The following ZNF710 variants were observed in gnomAD, a reference collection of about 807,000 sequenced individuals.
ZNF710 encodes zinc finger protein 710.
In ZNF710, 13 loss-of-function variants were observed where a neutral mutation model predicts 50.6. The ratio of observed to expected loss-of-function variants is 0.26; its 90% confidence interval spans 0.17 to 0.41. The LOEUF is 0.41. Ranked by LOEUF, ZNF710 falls within the 10% of genes least tolerant of loss-of-function variation. The probability of loss-of-function intolerance (pLI) is 1.00; values close to 1 mark genes in which losing one functional copy is unlikely to be tolerated. For missense variants in ZNF710, 721 were observed against 936.6 expected, an observed-to-expected ratio of 0.77 and a Z score of 3.01; for synonymous variants, 383 against 397.0, an observed-to-expected ratio of 0.96 and a Z score of 0.42.
Position 90,073,061 on chromosome 15 carries a change from C to G in ZNF710, c.1459-10C>G, listed in dbSNP as rs1254973348. 4 of 1,610,656 alleles carry G rather than the reference C, an allele frequency of 2.5e-6. No homozygotes were observed. The highest frequency in any genetic ancestry group is 1.3e-5 in the African/African-American group (1 of 74,892). ...TTGTGTGGCCCTGACCATCACCCCC[C>G]ACCCCACAGGGCGTGAAGGAGTTCA... On this transcript the variant is annotated splice_polypyrimidine_tract_variant and intron_variant, in intron 2 of 4. Transcript: ENST00000268154.
In ZNF710 at chr15:90,067,216, C is replaced by G; in HGVS notation, c.79C>G (p.Leu27Val). Residue 27 changes from leucine (L) to valine (V), a missense_variant, in exon 2 of 5, where the codon CTG (leucine) becomes GTG (valine). By Grantham distance (32) the Leu-to-Val change is conservative. This residue lies in a region of ZNF710 where 326 missense variants were observed against 347.1 expected (regional missense o/e 0.94). Coordinates refer to ENST00000268154, the MANE Select transcript of ZNF710 (RefSeq NM_198526.4). This position sits in a 1 kb window ranked among gnomAD's most constrained non-coding sequence, Gnocchi z 8.1. ...LSLAQAAVLG[L>V]VSENELFGAT... is the part of the protein sequence containing the mutation. The stretch of plus-strand genomic sequence containing the variant: ...CTTGGCTCAGGCCGCCGTGCTTGGC[C>G]TGGTCTCCGAAAATGAGCTCTTTGG... 1 of 1,613,896 alleles carries G rather than the reference C, an allele frequency of 6.2e-7. No individual in the cohort carries two copies.
rs1227700300 is a variant in ZNF710 at position 90,080,527 on chromosome 15, C to T, written c.*698C>T. The T allele has an allele frequency of 3.3e-5, 5 of 152,732 alleles. No individual in the cohort carries two copies. Among genetic ancestry groups the T allele is most frequent in the African/African-American group, 1.2e-4 (5 of 41,474 alleles). 9.5% of individuals were successfully genotyped at this position (152,732 alleles called of 1,614,324 possible). On this transcript the variant is annotated 3_prime_UTR_variant, in exon 5 of 5. Coordinates refer to ENST00000268154, the MANE Select transcript of ZNF710 (RefSeq NM_198526.4). ...TTGCAACACATGTCGTCCACTTCGA[C>T]CCTAGCTGGAGTGCCTCACCAGGGG...
chr15:90,078,372 C>A (rs1399898572), intron 4 of ZNF710, among the ~76,000 whole-genome samples: 1 of 152,174 alleles, frequency 6.6e-6, no homozygotes, highest in African/African-American at 2.4e-5. Context: ...CTGCCAGTGG[C>A]CGTCAGGGTG....
chr15:90,038,622 G>A (rs570588974), intron 1 of ZNF710, among the ~76,000 whole-genome samples: 12 of 152,048 alleles, frequency 7.9e-5, no homozygotes, highest in African/African-American at 2.9e-4. Flanking sequence ...TCGTATGGCT[G>A]TTTTCCTGAT....
intron 1 of ZNF710, among the ~76,000 whole-genome samples, chr15:90,008,459 T>TATATATACATATATATATATAC (rs1898211502): frequency 7.0e-6 from 1 of 143,712 alleles, no homozygotes; most frequent in African/African-American, 2.7e-5. Context: ...TATATGTATA[T>TATATATACATATATATATATAC]ATATATACAT....
At chr15:90,008,456 A>G (rs1008289872) in intron 1 of ZNF710, among the ~76,000 whole-genome samples, 5 of 143,402 alleles carry the variant, frequency 3.5e-5, no homozygotes, top group African/African-American at 5.4e-5. Flanking sequence ...ATATATATGT[A>G]TATATATATA....
chr15:90,002,631 CTTGG>C (rs1424701828), intron 1 of ZNF710: 2 of 152,280 alleles, frequency 1.3e-5, no homozygotes, highest in Non-Finnish European at 2.9e-5. Context: ...AGATCCGGCC[CTTGG>C]GCCACCGCCC....
At chr15:89,999,311 G>C (rs985735055), upstream of ZNF710, among the ~76,000 whole-genome samples, 2 of 152,226 alleles carry the variant, frequency 1.3e-5, no homozygotes, top group African/African-American at 4.8e-5. Context: ...CAAGGACTGC[G>C]TCTTGCTGAT....
chr15:90,017,688 A>G (rs1431386314), intron 1 of ZNF710, among the ~76,000 whole-genome samples: 1 of 151,798 alleles, frequency 6.6e-6, no homozygotes. Flanking sequence ...TGAAGGTGGG[A>G]GTGTCTTGAA....
At chr15:90,011,064 G>A (rs2151463802) in intron 1 of ZNF710, among the ~76,000 whole-genome samples, 1 of 151,656 alleles carries the variant, frequency 6.6e-6, no homozygotes, top group Non-Finnish European at 1.5e-5. Context: ...CCAAATAGCT[G>A]GGATTACAGG....
chr15:90,009,800 A>C (rs989607587), intron 1 of ZNF710, among the ~76,000 whole-genome samples: 2 of 151,576 alleles, frequency 1.3e-5, no homozygotes, highest in African/African-American at 4.9e-5. Flanking sequence ...TCTCCTTGCC[A>C]GCTCAACAAC....
At chr15:90,020,728 T>C (rs1898591609) in intron 1 of ZNF710, among the ~76,000 whole-genome samples, 1 of 152,204 alleles carries the variant, frequency 6.6e-6, no homozygotes, top group Non-Finnish European at 1.5e-5. Flanking sequence ...GGCTCCCAGC[T>C]CCTTTGTCAT....
upstream of ZNF710, among the ~76,000 whole-genome samples, chr15:89,999,738 G>A (rs1204239398): frequency 1.3e-5 from 2 of 152,050 alleles, no homozygotes; most frequent in Non-Finnish European, 2.9e-5. Context: ...GGAGGGGTGA[G>A]GAGTGGCAGG....
intron 1 of ZNF710, among the ~76,000 whole-genome samples, chr15:90,020,768 A>G (rs1378305937): frequency 3.3e-5 from 5 of 152,064 alleles, no homozygotes; most frequent in Admixed American, 2.0e-4. Context: ...TGGGGATGAG[A>G]TCTCTTATCT....
intron 2 of ZNF710, among the ~76,000 whole-genome samples, chr15:90,072,232 G>A (rs1348222144): frequency 6.6e-6 from 1 of 152,158 alleles, no homozygotes; most frequent in African/African-American, 2.4e-5. Flanking sequence ...CCAAACCAGT[G>A]GGTTTTCTCC....
At chr15:90,004,182 A>G (rs1173897447) in intron 1 of ZNF710, among the ~76,000 whole-genome samples, 1 of 152,120 alleles carries the variant, frequency 6.6e-6, no homozygotes, top group Non-Finnish European at 1.5e-5. Context: ...GGAGACAGAC[A>G]AGGTCTGGAA....
At position 90,036,062 on chromosome 15, in the gene ZNF710, G is replaced by T. The variant is rs370551393; in HGVS notation, c.-28-31048G>T. Reference sequence around the variant, plus strand: ...ATCCTGAGACGCACTCGCCCCATCCGGCCCCACAAGCAGCTTTCTCAAGAG... The same window carrying T: ...ATCCTGAGACGCACTCGCCCCATCCTGCCCCACAAGCAGCTTTCTCAAGAG... On this transcript the variant is annotated intron_variant, in intron 1 of 4. Transcript: ENST00000268154. Among the ~76,000 whole-genome samples, 46 of 152,126 alleles carry T rather than the reference G, an allele frequency of 3.0e-4. 1 individual carries two copies. Among genetic ancestry groups the T allele is most frequent in the Non-Finnish European group, 5.9e-5 (4 of 68,018 alleles).
At chr15:90,043,123 C>T (rs139419747) in intron 1 of ZNF710, among the ~76,000 whole-genome samples, 1,592 of 152,374 alleles carry the variant, frequency 0.01, 12 homozygotes, top group South Asian at 0.023. Flanking sequence ...CACCGGGGAC[C>T]GAGCACCTCC....
intron 1 of ZNF710, among the ~76,000 whole-genome samples, chr15:90,031,361 C>G (rs947939237): frequency 6.6e-6 from 1 of 152,134 alleles, no homozygotes; most frequent in African/African-American, 2.4e-5. Flanking sequence ...TTAATGGAAA[C>G]GAAGTATCTC....
Sources: gnomAD v4.1 joint callset for allele counts (sites outside exome capture counted in the v4.1 genomes callset) on GRCh38, gnomAD v4.1.1 for gene constraint, gnomAD v4.1.1 regional missense constraint, Gnocchi (gnomAD v3.1) non-coding constraint, MANE v1.5 for transcripts, NCBI Gene and HGNC (gene_info 2026-07-23, HGNC 2026-07-21) for gene names.